CD80: variants seen among roughly 807,000 people sequenced by gnomAD.
The protein encoded by CD80 is T-lymphocyte activation antigen CD80.
In CD80, 13 loss-of-function variants were observed where a neutral mutation model predicts 27.1. The ratio of observed to expected loss-of-function variants is 0.48; its 90% CI spans 0.31 to 0.76. CD80 has a LOEUF of 0.76. Ranked by LOEUF, CD80 falls within the 30% of genes least tolerant of loss-of-function variation. The pLI is 0.04. For missense variants in CD80, 277 were observed against 347.9 expected (o/e 0.80, Z 1.62); for synonymous variants, 125 against 125.5 (o/e 1.00, Z 0.03).
At chr3:119,553,103 C>A (rs9917635) in intron 2 of CD80, among the ~76,000 whole-genome samples, 4 of 134,088 alleles carry the variant, frequency 3.0e-5, no homozygotes, top group African/African-American at 1.2e-4. Flanking sequence ...GAATTGTACA[C>A]TTTATTTATT....
chr3:119,541,315 C>T (rs559433903), intron 3 of CD80, among the ~76,000 whole-genome samples: 74 of 152,140 alleles, frequency 4.9e-4, no homozygotes, highest in Admixed American at 2.8e-3. Flanking sequence ...ATCCATTAAC[C>T]TAGTTAAGCT....
intron 3 of CD80, among the ~76,000 whole-genome samples, chr3:119,538,715 C>T (rs1278543061): frequency 3.3e-5 from 5 of 152,112 alleles, no homozygotes; most frequent in African/African-American, 4.8e-5. Context: ...AAACTCAATA[C>T]ATAAATAGAG....
intron 4 of CD80, among the ~76,000 whole-genome samples, chr3:119,535,903 A>G (rs1429055866): frequency 6.6e-6 from 1 of 152,222 alleles, no homozygotes; most frequent in Non-Finnish European, 1.5e-5. Flanking sequence ...ACTTTTTAAG[A>G]TGAATGCTTG....
intron 4 of CD80, among the ~76,000 whole-genome samples, chr3:119,532,747 T>TA (rs1299814754): frequency 6.6e-6 from 1 of 152,188 alleles, no homozygotes. Flanking sequence ...CTCTGGAACT[T>TA]ACTGCTTTTT....
chr3:119,531,704 G>A (rs539933376), intron 4 of CD80, among the ~76,000 whole-genome samples: 3 of 151,580 alleles, frequency 2.0e-5, no homozygotes, highest in Non-Finnish European at 2.9e-5. Flanking sequence ...TGTTTCCCAG[G>A]CCAGGCTGGA....
chr3:119,546,431 C>T (rs1225346676), intron 2 of CD80, among the ~76,000 whole-genome samples: 1 of 152,072 alleles, frequency 6.6e-6, no homozygotes, highest in Non-Finnish European at 1.5e-5. Flanking sequence ...TATTATTTTC[C>T]CCATTTTGCA....
At chr3:119,527,496 C>A in intron 6 of CD80, 1 of 448,798 alleles carries the variant, frequency 2.2e-6, no homozygotes, top group Non-Finnish European at 3.9e-6. Flanking sequence ...AATGAATTGG[C>A]TGACAAGACA....
At chr3:119,538,794 G>A (rs1419196723) in intron 3 of CD80, among the ~76,000 whole-genome samples, 2 of 152,148 alleles carry the variant, frequency 1.3e-5, no homozygotes, top group Non-Finnish European at 2.9e-5. Context: ...CATAAATCTG[G>A]TCAAGGAGAG....
At position 119,544,773 on chromosome 3, in the gene CD80, G is replaced by A. The variant is rs1437854677; in HGVS notation, c.195C>T (p.Tyr65=). ...SVEELAQTRI[Y]WQKEKKMVLT... is the part of the protein sequence containing the mutation. ...GCACCATTTTCTTCTCCTTTTGCCA[G>A]TAGATGCGAGTTTGTGCCAGCTCTT... The change falls in exon 3 of 7, where the codon TAC becomes TAT. Residue 65 remains tyrosine, a synonymous_variant. Transcript: ENST00000264246. The A allele has an allele frequency of 1.2e-6, 2 of 1,614,082 alleles. No individual in the cohort carries two copies. The highest frequency in any genetic ancestry group is 2.7e-5 in the African/African-American group (2 of 74,944).
intron 2 of CD80, among the ~76,000 whole-genome samples, chr3:119,555,745 A>G (rs1296255963): frequency 6.6e-6 from 1 of 152,224 alleles, no homozygotes. Context: ...CCTCTTTCCA[A>G]TGATAGTAAA....
intron 3 of CD80, chr3:119,544,322 T>C (rs996221342): frequency 9.0e-6 from 5 of 555,698 alleles, no homozygotes; most frequent in African/African-American, 7.5e-5. Context: ...CCCAGGATGA[T>C]TGTCATGAAC....
intron 6 of CD80, among the ~76,000 whole-genome samples, chr3:119,527,005 C>G (rs778198095): frequency 6.6e-6 from 1 of 152,192 alleles, no homozygotes; most frequent in Non-Finnish European, 1.5e-5. Flanking sequence ...GTGTTAGGCT[C>G]TCTTAACAGG....
chr3:119,543,887 C>CTTTT (rs71619749), intron 3 of CD80, among the ~76,000 whole-genome samples: 1 of 99,128 alleles, frequency 1.0e-5, no homozygotes, highest in Non-Finnish European at 2.0e-5. Flanking sequence ...CTCCATTGTT[C>CTTTT]TTTTTTTTTT....
At chr3:119,548,042 C>T (rs927598411) in intron 2 of CD80, among the ~76,000 whole-genome samples, 4 of 151,348 alleles carry the variant, frequency 2.6e-5, no homozygotes, top group Non-Finnish European at 4.4e-5. Flanking sequence ...AGTGAAGTGG[C>T]GCGATCTCAG....
chr3:119,544,585 C>G lies in CD80; in HGVS notation c.383G>C (p.Arg128Pro). 1 of 1,614,094 alleles carries G rather than the reference C, an allele frequency of 6.2e-7. No homozygotes were observed. The highest frequency in any genetic ancestry group is 8.5e-7 in the Non-Finnish European group (1 of 1,179,954). Residue 128 changes from arginine (R) to proline (P), a missense_variant, in exon 3 of 7, where the codon CGG becomes CCG. Coordinates refer to ENST00000264246, the MANE Select transcript of CD80 (RefSeq NM_005191.4). ...TAACGTCACTTCAGCCAGGTGTTCC[C>G]GCTTGAAAGCGTCTTTTTCATACTT... ...VLKYEKDAFK[R>P]EHLAEVTLSV...
intron 4 of CD80, among the ~76,000 whole-genome samples, chr3:119,536,451 C>T (rs1236563952): frequency 6.6e-6 from 1 of 151,898 alleles, no homozygotes; most frequent in South Asian, 2.1e-4. Context: ...AGTAAGCCAC[C>T]CACCTTACCC....
chr3:119,528,862 G>GC (rs111999506), intron 5 of CD80, among the ~76,000 whole-genome samples: 150,388 of 150,388 alleles, frequency 1, 75,194 homozygotes, highest in Non-Finnish European at 1. Flanking sequence ...GGAGGCGGAG[G>GC]TGCAGTGAGC....
chr3:119,536,988 G>C, intron 4 of CD80, 149 bp downstream of exon 4: 4 of 780,858 alleles, frequency 5.1e-6, no homozygotes, highest in African/African-American at 1.7e-5. Flanking sequence ...GTACCATCTA[G>C]GTTTATGTAA....
At chr3:119,557,075 A>G (rs1489051739) in intron 2 of CD80, among the ~76,000 whole-genome samples, 1 of 152,234 alleles carries the variant, frequency 6.6e-6, no homozygotes, top group African/African-American at 2.4e-5. Flanking sequence ...CCAATGTTGA[A>G]AAAAGATCTC....
Sources: allele counts gnomAD v4.1 joint callset (sites outside exome capture counted in the v4.1 genomes callset), GRCh38; gene constraint gnomAD v4.1.1; transcripts MANE v1.5; gene names NCBI Gene and HGNC (gene_info 2026-07-23, HGNC 2026-07-21).